Variants in ITPRID1 observed in about 807,000 individuals in gnomAD.
The protein encoded by ITPRID1 is ITPR interacting domain containing 1.
A neutral mutation model predicts 95.4 loss-of-function variants in ITPRID1; 96 were observed. The ratio of observed to expected loss-of-function variants is 1.01; its 90% CI spans 0.85 to 1.19. The LOEUF is 1.19. Among genes scored for constraint, ITPRID1 ranks in the 50% most tolerant of loss-of-function variants. The pLI, the probability that ITPRID1 is intolerant of heterozygous loss-of-function variation, is 0.00. For synonymous variants in ITPRID1, 510 were observed against 453.6 expected (o/e 1.12, Z -1.58); for missense variants, 1,339 against 1,252.9 (o/e 1.07, Z -1.04).
At chr7:31,621,774 A>C (rs1787925570) in intron 10 of ITPRID1, among the ~76,000 whole-genome samples, 1 of 148,850 alleles carries the variant, frequency 6.7e-6, no homozygotes, top group African/African-American at 2.5e-5. Flanking sequence ...TTTAAATGTA[A>C]ATGGACTAAA....
chr7:31,629,086 T>C (rs1486411220), intron 10 of ITPRID1, among the ~76,000 whole-genome samples: 2 of 152,220 alleles, frequency 1.3e-5, no homozygotes, highest in African/African-American at 4.8e-5. Flanking sequence ...ATTGTTCACT[T>C]AGCCCTGGAA....
chr7:31,622,855 C>T (rs922329766), intron 10 of ITPRID1, among the ~76,000 whole-genome samples: 28 of 152,054 alleles, frequency 1.8e-4, no homozygotes, highest in South Asian at 8.3e-4. Context: ...ATTGATAGAC[C>T]GCTAGCAAGA....
rs969781029 is a variant in ITPRID1, at chr7:31,549,436, G to T, written c.-87G>T. On this transcript the variant is annotated 5_prime_UTR_variant, in exon 2 of 15. Transcript: ENST00000615280. The stretch of plus-strand genomic sequence containing the variant: ...TTCTTTACTTGACAGTTCCTGACAG[G>T]ATAAGGACAAGAAGCAACACACAGA... The T allele has an allele frequency of 6.7e-6, 10 of 1,487,996 alleles. No homozygotes were observed. The highest frequency in any genetic ancestry group is 8.9e-6 in the Non-Finnish European group (10 of 1,126,846). 92.2% of individuals were successfully genotyped at this position (1,487,996 alleles called of 1,614,324 possible).
chr7:31,523,842 C>T (rs928893920), intron 1 of ITPRID1, among the ~76,000 whole-genome samples: 1 of 152,134 alleles, frequency 6.6e-6, no homozygotes. Flanking sequence ...CTCAGTGTTC[C>T]TGGTGTGGAA....
intron 12 of ITPRID1, among the ~76,000 whole-genome samples, chr7:31,646,492 A>G (rs1301747204): frequency 6.6e-6 from 1 of 152,156 alleles, no homozygotes; most frequent in Non-Finnish European, 1.5e-5. Context: ...CCAGAGCCAG[A>G]TTCCTCATGG....
chr7:31,580,366 C>G (rs950939709), intron 9 of ITPRID1, among the ~76,000 whole-genome samples: 1 of 151,466 alleles, frequency 6.6e-6, no homozygotes, highest in Non-Finnish European at 1.5e-5. Context: ...AAAGTTTCAC[C>G]AAACTCCAAC....
chr7:31,611,793 T>G (rs1288414743), intron 10 of ITPRID1, among the ~76,000 whole-genome samples: 1 of 152,002 alleles, frequency 6.6e-6, no homozygotes, highest in African/African-American at 2.4e-5. Flanking sequence ...CAAGATACTT[T>G]GTCTTTTGAG....
At chr7:31,586,682 G>A (rs1785625378) in intron 10 of ITPRID1, among the ~76,000 whole-genome samples, 1 of 152,028 alleles carries the variant, frequency 6.6e-6, no homozygotes, top group East Asian at 1.9e-4. Context: ...CTTTTTGATG[G>A]GGTTGTCTGT....
intron 1 of ITPRID1, among the ~76,000 whole-genome samples, chr7:31,530,551 T>C (rs547788373): frequency 6.6e-6 from 1 of 152,320 alleles, no homozygotes; most frequent in South Asian, 2.1e-4. Flanking sequence ...AATGTATTTT[T>C]TGATCTGAAA....
At chr7:31,549,544 C>T in intron 2 of ITPRID1, 45 bp downstream of exon 2, 1 of 1,390,542 alleles carries the variant, frequency 7.2e-7, no homozygotes, top group Non-Finnish European at 9.8e-7. Flanking sequence ...CCCAAAAACT[C>T]CATAAAGTGT....
chr7:31,651,989 TG>T lies in ITPRID1; in HGVS notation c.2764del (p.Ala922GlnfsTer7). On this transcript the variant is annotated frameshift_variant, in exon 14 of 15. Transcript: ENST00000615280. LOFTEE classifies it high-confidence loss of function. ...TTACGTGAGGCCCTGAGGCAGCAGG[TG>T]GCAGAGTTGGAATTTCAGTTAGGAG... ...QTLREALRQQ[V>X]AELEFQLGDR... 1 of 1,606,150 alleles carries T rather than the reference TG, an allele frequency of 6.2e-7. No individual in the cohort carries two copies.
chr7:31,606,513 G>C (rs979458908), intron 10 of ITPRID1, among the ~76,000 whole-genome samples: 8 of 152,268 alleles, frequency 5.3e-5, no homozygotes, highest in South Asian at 4.1e-4. Context: ...TTAAACCCTA[G>C]ATGTTTAAAT....
chr7:31,614,857 CG>C (rs1195977362), intron 10 of ITPRID1, among the ~76,000 whole-genome samples: 1 of 151,980 alleles, frequency 6.6e-6, no homozygotes, highest in Non-Finnish European at 1.5e-5. Flanking sequence ...ACTCCTGATT[CG>C]GGGGCCCCAT....
At chr7:31,589,568 A>G (rs1785774784) in intron 10 of ITPRID1, among the ~76,000 whole-genome samples, 1 of 152,188 alleles carries the variant, frequency 6.6e-6, no homozygotes, top group African/African-American at 2.4e-5. Flanking sequence ...ATAGAAATCA[A>G]AGATAAAAGA....
intron 10 of ITPRID1, among the ~76,000 whole-genome samples, chr7:31,607,932 G>A (rs1388154785): frequency 2.0e-5 from 3 of 151,750 alleles, no homozygotes; most frequent in East Asian, 3.8e-4. Context: ...TTCTCAGAAT[G>A]TTTTCTCCCA....
chr7:31,530,577 C>T (rs748395392), intron 1 of ITPRID1, among the ~76,000 whole-genome samples: 5 of 152,042 alleles, frequency 3.3e-5, no homozygotes, highest in Admixed American at 6.5e-5. Flanking sequence ...ATGTAATTGC[C>T]TTTTATTTCT....
chr7:31,561,099 C>T (rs947600526), intron 5 of ITPRID1, among the ~76,000 whole-genome samples: 8 of 151,740 alleles, frequency 5.3e-5, no homozygotes, highest in Non-Finnish European at 1.0e-4. Context: ...AGGAACGACA[C>T]CGTAACCTTG....
intron 10 of ITPRID1, among the ~76,000 whole-genome samples, chr7:31,622,807 A>G (rs1788042309): frequency 6.6e-6 from 1 of 152,140 alleles, no homozygotes; most frequent in Non-Finnish European, 1.5e-5. Context: ...CAAAAAATTA[A>G]TGAATCCAGG....
intron 1 of ITPRID1, among the ~76,000 whole-genome samples, chr7:31,524,420 C>G (rs1562546725): frequency 6.6e-6 from 1 of 152,186 alleles, no homozygotes; most frequent in Non-Finnish European, 1.5e-5. Flanking sequence ...ATCTCAGTTA[C>G]AGCAATGAGC....
Sources: allele counts gnomAD v4.1 joint callset (sites outside exome capture counted in the v4.1 genomes callset), GRCh38; gene constraint gnomAD v4.1.1; transcripts MANE v1.5; gene names NCBI Gene and HGNC (gene_info 2026-07-23, HGNC 2026-07-21).